The following ATXN1 variants were observed in gnomAD, a reference collection of about 807,000 sequenced individuals.
ATXN1 encodes ataxin 1, also known as ataxin-1.
ATXN1 carries 8 observed loss-of-function variants against 56.4 expected under a neutral mutation model. The observed-to-expected ratio is 0.14, with a 90% CI of 0.08 to 0.26. The LOEUF (loss-of-function observed/expected upper bound fraction) is 0.26, where lower values mean the gene tolerates loss of function less well. ATXN1 is among the 10% of genes least tolerant of loss of function. ATXN1 has a pLI of 1.00. For synonymous variants in ATXN1, 514 were observed against 494.6 expected (o/e 1.04, Z -0.52); for missense variants, 987 against 1,106.5 (o/e 0.89, Z 1.53).
intron 6 of ATXN1, among the ~76,000 whole-genome samples, chr6:16,362,677 G>A (rs1761835843): frequency 6.6e-6 from 1 of 152,202 alleles, no homozygotes; most frequent in African/African-American, 2.4e-5. Context: ...AAGTTTAAGT[G>A]TTCAGATCAT....
intron 4 of ATXN1, among the ~76,000 whole-genome samples, chr6:16,551,686 C>A (rs1428554941): frequency 1.3e-5 from 2 of 152,148 alleles, no homozygotes; most frequent in East Asian, 3.9e-4. Context: ...ACTCTGAAAT[C>A]CACAAGTCGA....
intron 3 of ATXN1, among the ~76,000 whole-genome samples, chr6:16,654,868 T>C (rs1380369766): frequency 6.6e-6 from 1 of 152,170 alleles, no homozygotes; most frequent in Admixed American, 6.5e-5. Context: ...TGTGTTTGCA[T>C]TTGCTTTCTA....
chr6:16,538,679 G>C (rs1761653098), intron 4 of ATXN1, among the ~76,000 whole-genome samples: 1 of 150,628 alleles, frequency 6.6e-6, no homozygotes, highest in Admixed American at 6.6e-5. Flanking sequence ...GAGAACATGG[G>C]GTGTTTGGTT....
intron 2 of ATXN1, among the ~76,000 whole-genome samples, chr6:16,661,542 T>C (rs1758320793): frequency 1.3e-5 from 2 of 152,242 alleles, no homozygotes; most frequent in Admixed American, 1.3e-4. Flanking sequence ...TGGCTTCCAG[T>C]GATCCCACCT....
At chr6:16,752,806 A>G (rs556525848) in intron 2 of ATXN1, among the ~76,000 whole-genome samples, 3 of 152,254 alleles carry the variant, frequency 2.0e-5, no homozygotes, top group Non-Finnish European at 4.4e-5. Context: ...TCAAGATTCA[A>G]CAAATACTGG....
chr6:16,423,616 G>A (rs72823520), intron 6 of ATXN1, among the ~76,000 whole-genome samples: 3,004 of 152,278 alleles, frequency 0.02, 45 homozygotes, highest in Non-Finnish European at 0.026. Context: ...CCTAGAGAGA[G>A]GGGAGGGTGA....
intron 2 of ATXN1, among the ~76,000 whole-genome samples, chr6:16,709,025 CAAA>C (rs34066790): frequency 1.7e-5 from 2 of 120,980 alleles, no homozygotes; most frequent in Non-Finnish European, 1.8e-5. Context: ...AACTCTGTCT[CAAA>C]AAAAAAAAAA....
At chr6:16,321,791 T>C (rs1432661403) in intron 7 of ATXN1, among the ~76,000 whole-genome samples, 2 of 152,204 alleles carry the variant, frequency 1.3e-5, no homozygotes, top group Non-Finnish European at 2.9e-5. Context: ...ATGAGGTCAG[T>C]ACATGTTCAT....
chr6:16,693,650 C>A (rs1354278239), intron 2 of ATXN1, among the ~76,000 whole-genome samples: 4 of 152,138 alleles, frequency 2.6e-5, no homozygotes, highest in Non-Finnish European at 5.9e-5. Context: ...TCTGCACACC[C>A]ACCGTGAGAA....
chr6:16,549,852 C>T (rs868429644), intron 4 of ATXN1, among the ~76,000 whole-genome samples: 47 of 142,522 alleles, frequency 3.3e-4, no homozygotes, highest in Admixed American at 8.1e-4. Context: ...GCCGAGATCG[C>T]ACCATTGCAC....
In ATXN1 at chr6:16,300,726, G is replaced by A. The variant is rs1388713538; in HGVS notation, c.*5603C>T. 6.6e-6 allele frequency: 1 copy of A among 152,312 alleles called. No individual in the cohort carries two copies. Among genetic ancestry groups the A allele is most frequent in the Non-Finnish European group, 1.5e-5 (1 of 67,982 alleles). 9.4% of individuals were successfully genotyped at this position (152,312 alleles called of 1,614,324 possible). ...GTTTGATTGGTAGCCTGGATCCCTT[G>A]TTACAAACACTTCGTGTTCAAGATT... On this transcript the variant is annotated 3_prime_UTR_variant, in exon 8 of 8. Coordinates refer to ENST00000436367, the MANE Select transcript of ATXN1 (RefSeq NM_001128164.2).
At chr6:16,536,956 C>T (rs1761612198) in intron 4 of ATXN1, among the ~76,000 whole-genome samples, 2 of 151,976 alleles carry the variant, frequency 1.3e-5, no homozygotes, top group Non-Finnish European at 2.9e-5. Flanking sequence ...ATTTATAACA[C>T]ATGTATTTAT....
chr6:16,715,945 A>G (rs1759630850), intron 2 of ATXN1, among the ~76,000 whole-genome samples: 2 of 152,168 alleles, frequency 1.3e-5, no homozygotes, highest in Admixed American at 6.5e-5. Flanking sequence ...ACTCAAGCCT[A>G]GAGGACCACA....
chr6:16,458,598 A>G (rs1054120357), intron 6 of ATXN1, among the ~76,000 whole-genome samples: 28 of 152,320 alleles, frequency 1.8e-4, no homozygotes, highest in African/African-American at 6.5e-4. Flanking sequence ...GAAAAGCGAG[A>G]TAAGAGAAAG....
chr6:16,714,726 C>CA (rs1160648713), intron 2 of ATXN1, among the ~76,000 whole-genome samples: 2 of 151,568 alleles, frequency 1.3e-5, no homozygotes, highest in African/African-American at 2.4e-5. Context: ...TGTTTTAGAG[C>CA]AAAAAAAGAT....
intron 2 of ATXN1, among the ~76,000 whole-genome samples, chr6:16,681,641 C>G (rs1180211606): frequency 3.9e-5 from 6 of 152,156 alleles, no homozygotes; most frequent in African/African-American, 1.4e-4. Flanking sequence ...TCACCCTTGT[C>G]TGGATGAAAG....
At chr6:16,441,952 GC>G (rs1461677655) in intron 6 of ATXN1, among the ~76,000 whole-genome samples, 1 of 152,126 alleles carries the variant, frequency 6.6e-6, no homozygotes, top group Non-Finnish European at 1.5e-5. Flanking sequence ...AACAGCAAAT[GC>G]TTAAAATCGT....
At chr6:16,673,577 C>T (rs1561802839) in intron 2 of ATXN1, among the ~76,000 whole-genome samples, 1 of 152,224 alleles carries the variant, frequency 6.6e-6, no homozygotes, top group East Asian at 1.9e-4. Context: ...GCCAGATGAT[C>T]CTTGGTTGAG....
intron 5 of ATXN1, among the ~76,000 whole-genome samples, chr6:16,489,341 T>C (rs778959463): frequency 6.6e-6 from 1 of 152,178 alleles, no homozygotes; most frequent in African/African-American, 2.4e-5. Flanking sequence ...CCTTTCTCTG[T>C]CTTCCAGGGA....
Sources: gnomAD v4.1 joint callset for allele counts (sites outside exome capture counted in the v4.1 genomes callset) on GRCh38, gnomAD v4.1.1 for gene constraint, MANE v1.5 for transcripts, NCBI Gene and HGNC (gene_info 2026-07-23, HGNC 2026-07-21) for gene names.